Variants in RTL4 observed in about 807,000 individuals in gnomAD.
The protein encoded by RTL4 is retrotransposon Gag like 4, also known as retrotransposon Gag-like protein 4.
A neutral mutation model predicts 5.3 loss-of-function variants in RTL4; 4 were observed. The observed-to-expected ratio is 0.75, with a 90% CI of 0.37 to 1.72. The LOEUF (loss-of-function observed/expected upper bound fraction) is 1.72. Among genes scored for constraint, RTL4 ranks in the 40% most tolerant of loss-of-function variants. The pLI, the probability that RTL4 is intolerant of heterozygous loss-of-function variation, is 0.04. For missense variants in RTL4, 260 were observed against 227.1 expected (o/e 1.14, Z -0.93); for synonymous variants, 98 against 87.3 (o/e 1.12, Z -0.68).
the RTL4 span, among the ~76,000 whole-genome samples, chrX:112,248,253 T>A: frequency 8.9e-6 from 1 of 112,437 alleles, no homozygotes; most frequent in African/African-American, 3.2e-5. Context: ...AATCTACTTT[T>A]CTTTTGTGGT....
At chrX:112,125,559 A>T in the RTL4 span, among the ~76,000 whole-genome samples, 4 of 111,795 alleles carry the variant, frequency 3.6e-5, no homozygotes, top group African/African-American at 1.3e-4. Context: ...AAGAGAGAAG[A>T]CATGTTAATA....
the RTL4 span, among the ~76,000 whole-genome samples, chrX:112,222,481 G>A: frequency 2.7e-5 from 3 of 111,051 alleles, no homozygotes; most frequent in East Asian, 8.6e-4. Flanking sequence ...ATCTTGGGAG[G>A]GCTGAGGAGG....
the RTL4 span, among the ~76,000 whole-genome samples, chrX:112,283,040 G>T: frequency 3.6e-5 from 4 of 111,616 alleles, no homozygotes. Context: ...CTGGCTTGAA[G>T]TTCAGGTTTT....
At chrX:112,378,110 G>A in the RTL4 span, among the ~76,000 whole-genome samples, 1 of 111,443 alleles carries the variant, frequency 9.0e-6, no homozygotes, top group Non-Finnish European at 1.9e-5. Context: ...AGCTGCACGA[G>A]TAGATGGACC....
At chrX:112,138,258 G>A in the RTL4 span, among the ~76,000 whole-genome samples, 1 of 112,142 alleles carries the variant, frequency 8.9e-6, no homozygotes, top group Non-Finnish European at 1.9e-5. Flanking sequence ...GAGGGAAACA[G>A]GGAGTTATTT....
chrX:112,211,999 T>C, the RTL4 span, among the ~76,000 whole-genome samples: 1 of 112,443 alleles, frequency 8.9e-6, no homozygotes, highest in Admixed American at 9.4e-5. Context: ...TGTGCAAACT[T>C]ACCCTTTCTT....
the RTL4 span, among the ~76,000 whole-genome samples, chrX:112,441,273 G>A: frequency 0.018 from 1,989 of 110,826 alleles, 41 homozygotes; most frequent in African/African-American, 0.063. Flanking sequence ...ATGCTACCTT[G>A]CAGCTTCCAT....
the RTL4 span, among the ~76,000 whole-genome samples, chrX:112,434,260 G>A: frequency 0.012 from 1,247 of 108,371 alleles, 7 homozygotes; most frequent in Non-Finnish European, 0.016. Flanking sequence ...AATGAGTTAG[G>A]GAGGATTCCC....
the RTL4 span, among the ~76,000 whole-genome samples, chrX:112,275,768 T>A: frequency 1.2e-4 from 13 of 110,243 alleles, no homozygotes; most frequent in Admixed American, 1.3e-3. Context: ...ACCCTTTCTG[T>A]ATAAAAAAAA....
the RTL4 span, among the ~76,000 whole-genome samples, chrX:112,375,057 G>C: frequency 3.6e-5 from 4 of 111,663 alleles, no homozygotes; most frequent in South Asian, 1.5e-3. Context: ...TCTTTTCTTG[G>C]TCCTGCAAAG....
chrX:112,123,436 T>C, the RTL4 span, among the ~76,000 whole-genome samples: 2 of 112,481 alleles, frequency 1.8e-5, no homozygotes, highest in Admixed American at 9.5e-5. Context: ...TCTAGAGCTT[T>C]TGTGGTTTGG....
the RTL4 span, among the ~76,000 whole-genome samples, chrX:112,108,318 CA>C: frequency 8.9e-6 from 1 of 111,935 alleles, no homozygotes; most frequent in African/African-American, 3.2e-5. Flanking sequence ...TTTTTAGGGT[CA>C]GTCACTGATG....
the RTL4 span, among the ~76,000 whole-genome samples, chrX:112,189,871 G>A: frequency 6.4e-4 from 72 of 111,910 alleles, no homozygotes; most frequent in African/African-American, 2.2e-3. Context: ...GGTCATCACT[G>A]TATATGGACT....
the RTL4 span, among the ~76,000 whole-genome samples, chrX:112,211,068 G>A: frequency 1.8e-5 from 2 of 112,321 alleles, no homozygotes; most frequent in African/African-American, 6.5e-5. Flanking sequence ...TTCAGAAAAT[G>A]ACACCACATG....
the RTL4 span, among the ~76,000 whole-genome samples, chrX:112,235,034 C>T: frequency 9.0e-5 from 10 of 111,253 alleles, no homozygotes; most frequent in Non-Finnish European, 1.5e-4. Flanking sequence ...TTCCTGTTTT[C>T]GGGATCCAGG....
chrX:112,354,063 A>T, the RTL4 span, among the ~76,000 whole-genome samples: 3 of 110,992 alleles, frequency 2.7e-5, no homozygotes, highest in Admixed American at 2.9e-4. Context: ...TTTATTTCCT[A>T]AATAGGACAA....
At chrX:112,167,757 AT>A in the RTL4 span, among the ~76,000 whole-genome samples, 5 of 107,587 alleles carry the variant, frequency 4.6e-5, no homozygotes, top group African/African-American at 1.4e-4. Flanking sequence ...GTCATGTAGT[AT>A]GTAATTTTGT....
chrX:112,088,871 T>C, the RTL4 span, among the ~76,000 whole-genome samples: 7 of 112,173 alleles, frequency 6.2e-5, no homozygotes, highest in Non-Finnish European at 1.3e-4. Context: ...TTTGGAGAAA[T>C]GTCTGTTCAA....
the RTL4 span, among the ~76,000 whole-genome samples, chrX:112,390,106 AATATATATATAT>A: frequency 5.7e-3 from 99 of 17,383 alleles, no homozygotes; most frequent in Admixed American, 0.011. Flanking sequence ...ATTTATATAT[AATATATATATAT>A]ATATATATAT....
Sources: gnomAD v4.1 joint callset for allele counts (sites outside exome capture counted in the v4.1 genomes callset) on GRCh38, gnomAD v4.1.1 for gene constraint, MANE v1.5 for transcripts, NCBI Gene and HGNC (gene_info 2026-07-23, HGNC 2026-07-21) for gene names.